Variants in MACF1 observed in about 807,000 individuals in gnomAD.
MACF1 encodes the protein microtubule actin crosslinking factor 1.
A neutral mutation model predicts 854.8 loss-of-function variants in MACF1; 193 were observed. The observed-to-expected ratio is 0.23, with a 90% confidence interval of 0.20 to 0.25. The LOEUF (loss-of-function observed/expected upper bound fraction) is 0.25, where lower values mean the gene tolerates loss of function less well. Ranked by LOEUF, MACF1 falls within the 10% of genes least tolerant of loss-of-function variation. MACF1 has a pLI of 1.00. For missense variants in MACF1, 7,722 were observed against 8,929.1 expected (o/e 0.86, Z 5.45); for synonymous variants, 3,185 against 3,226.7 (o/e 0.99, Z 0.44).
intron 27 of MACF1, 34 bp from the exon 28 acceptor site, chr1:39,316,357 G>A (rs773150845): frequency 1.1e-5 from 17 of 1,565,084 alleles, no homozygotes; most frequent in Non-Finnish European, 1.4e-5. Context: ...TAAAATTCAT[G>A]TGTTAATGAA....
Position 39,292,030 on chromosome 1 carries a change from T to G in MACF1, c.1906T>G (p.Leu636Val), listed in dbSNP as rs372118518. ...ELGSSVKEAR[L>V]YEGKMSQNFH... Reference sequence around the variant, plus strand: ...GGGCTCAAGTGTCAAGGAGGCCAGGTTGTATGAGGTGCGTAGCCTTCAGAA... The same window carrying G: ...GGGCTCAAGTGTCAAGGAGGCCAGGGTGTATGAGGTGCGTAGCCTTCAGAA... The change falls in exon 16 of 101, where the codon TTG becomes GTG. Residue 636 changes from leucine (L) to valine (V), a missense_variant. Leu to Val is a conservative substitution (Grantham distance 32, BLOSUM62 1). Transcript: ENST00000564288. 1.9e-6 allele frequency: 3 copies of G among 1,613,714 alleles called. No homozygotes were observed. The South Asian group carries it at 3.3e-5, about 18-fold the overall frequency.
At chr1:39,098,667 T>C (rs1641992822) in intron 2 of MACF1, among the ~76,000 whole-genome samples, 1 of 152,112 alleles carries the variant, frequency 6.6e-6, no homozygotes. Context: ...AGGGAGAGGC[T>C]GAGGTGGAGC....
At chr1:39,325,464 T>C (rs1466476448) in intron 35 of MACF1, among the ~76,000 whole-genome samples, 2 of 152,142 alleles carry the variant, frequency 1.3e-5, no homozygotes, top group African/African-American at 4.8e-5. Flanking sequence ...AGCCAGGACA[T>C]AGGAGCAAAA....
chr1:39,310,730 A>G, intron 25 of MACF1, 101 bp from the exon 26 acceptor site: 1 of 1,194,188 alleles, frequency 8.4e-7, no homozygotes, highest in Non-Finnish European at 1.2e-6. Context: ...AGGATTAGGC[A>G]GAAGATTCCC....
At position 39,460,526 on chromosome 1, in the gene MACF1, C is replaced by A; in HGVS notation, c.21361-106C>A. 1.1e-6 allele frequency: 1 copy of A among 919,704 alleles called. No homozygotes were observed. The highest frequency in any genetic ancestry group is 1.7e-6 in the Non-Finnish European group (1 of 578,908). The allele number at this position is 919,704 out of a possible 1,614,324, so 57.0% of individuals were successfully genotyped here. On this transcript the variant is annotated intron_variant, in intron 91 of 100. Coordinates refer to ENST00000564288, the MANE Select transcript of MACF1 (RefSeq NM_001394062.1). This position sits in a 1 kb window ranked among gnomAD's most constrained non-coding sequence, Gnocchi z 4.1. ...ACACATAGATTTCATTGTTGATGGCCCCTGGAAGCATGGCTTTACTGAATG... is the reference window on the plus strand; with the variant it reads ...ACACATAGATTTCATTGTTGATGGCACCTGGAAGCATGGCTTTACTGAATG...
chr1:39,386,854 T>C (rs1641821091), intron 57 of MACF1, among the ~76,000 whole-genome samples: 1 of 152,210 alleles, frequency 6.6e-6, no homozygotes, highest in African/African-American at 2.4e-5. Context: ...CATGAGCCAC[T>C]GCACCCGGCT....
intron 52 of MACF1, among the ~76,000 whole-genome samples, chr1:39,375,141 TAAAAG>T (rs1311463252): frequency 3.3e-5 from 5 of 151,782 alleles, no homozygotes; most frequent in Non-Finnish European, 5.9e-5. Flanking sequence ...TAATAAAAAT[TAAAAG>T]AAACCATTTT....
chr1:39,367,373 T>A (rs1422035114), intron 49 of MACF1, among the ~76,000 whole-genome samples: 3 of 152,170 alleles, frequency 2.0e-5, no homozygotes, highest in South Asian at 4.2e-4. Flanking sequence ...TTAACTTTTT[T>A]TAAAAAATAG....
At chr1:39,247,198 G>A (rs1164150725) in intron 2 of MACF1, among the ~76,000 whole-genome samples, 2 of 146,800 alleles carry the variant, frequency 1.4e-5, no homozygotes, top group South Asian at 2.2e-4. Flanking sequence ...TCAGCCTCCC[G>A]TGTAGCTGGG....
chr1:39,158,498 TGTG>T (rs1445349903), intron 2 of MACF1, among the ~76,000 whole-genome samples: 1 of 152,206 alleles, frequency 6.6e-6, no homozygotes, highest in South Asian at 2.1e-4. Context: ...GAGCTCCTGT[TGTG>T]GTGATATTCT....
In MACF1 at chr1:39,442,085, AT is replaced by A; in HGVS notation, c.18774+34del. The A allele has an allele frequency of 5.0e-6, 8 of 1,596,958 alleles. No individual in the cohort carries two copies. The African/African-American group carries it at 5.4e-5, about 11-fold the overall frequency. Reference sequence around the variant, plus strand: ...ATCTGGGTATGGCTTTTGAAGAAGAATTGTTTTATTATAGTTTTTAAAGGCT... The same window carrying A: ...ATCTGGGTATGGCTTTTGAAGAAGAATGTTTTATTATAGTTTTTAAAGGCT... On this transcript the variant is annotated intron_variant, in intron 75 of 100. Coordinates refer to ENST00000564288, the MANE Select transcript of MACF1 (RefSeq NM_001394062.1).
intron 2 of MACF1, among the ~76,000 whole-genome samples, chr1:39,167,880 A>C (rs1245206956): frequency 2.9e-5 from 3 of 103,546 alleles, no homozygotes; most frequent in African/African-American, 1.2e-4. Context: ...TCTCAAAAAA[A>C]AAAAAAAGAG....
chr1:39,130,223 T>G (rs563762625), intron 2 of MACF1, among the ~76,000 whole-genome samples: 1 of 152,312 alleles, frequency 6.6e-6, no homozygotes, highest in Non-Finnish European at 1.5e-5. Flanking sequence ...TTGAACAGAG[T>G]ATAAATATAG....
chr1:39,197,647 C>T (rs1231157403), intron 2 of MACF1, among the ~76,000 whole-genome samples: 1 of 152,062 alleles, frequency 6.6e-6, no homozygotes, highest in Non-Finnish European at 1.5e-5. Flanking sequence ...CTTTGGGAGG[C>T]AGAGGCGGGA....
At chr1:39,390,729 A>T (rs1472183003) in intron 58 of MACF1, among the ~76,000 whole-genome samples, 4 of 152,224 alleles carry the variant, frequency 2.6e-5, no homozygotes, top group Non-Finnish European at 4.4e-5. Flanking sequence ...ATTTACTTGC[A>T]TCCAGGCTAT....
chr1:39,374,938 G>A (rs1386028456), intron 52 of MACF1, among the ~76,000 whole-genome samples: 2 of 151,872 alleles, frequency 1.3e-5, no homozygotes, highest in Non-Finnish European at 2.9e-5. Context: ...GTGAAACCTC[G>A]TCTCTACTAA....
intron 2 of MACF1, among the ~76,000 whole-genome samples, chr1:39,188,899 C>A (rs371093726): frequency 6.9e-6 from 1 of 144,210 alleles, no homozygotes; most frequent in East Asian, 2.0e-4. Context: ...CCACCACACC[C>A]AGCTAATTTT....
At position 39,380,316 on chromosome 1, in the gene MACF1, G is replaced by A. The variant is rs771200608; in HGVS notation, c.13591G>A (p.Val4531Met). The A allele has an allele frequency of 9.3e-6, 15 of 1,613,642 alleles. No homozygotes were observed. The highest frequency in any genetic ancestry group is 1.3e-5 in the Non-Finnish European group (15 of 1,179,790). The change falls in exon 55 of 101, where the codon GTG becomes ATG. Residue 4531 changes from valine (V) to methionine (M), a missense_variant. By Grantham distance (21) the Val-to-Met change is conservative. Transcript: ENST00000564288. ...AAAGGAAGCCCTGGCTGGATTACTG[G>A]TGACATATCCCAACTCACAGGAAGC... ...KVKEALAGLL[V>M]TYPNSQEAEN... is the part of the protein sequence containing the mutation.
At chr1:39,354,751 T>A (rs1557605621) in intron 44 of MACF1, among the ~76,000 whole-genome samples, 1 of 152,206 alleles carries the variant, frequency 6.6e-6, no homozygotes, top group Non-Finnish European at 1.5e-5. Flanking sequence ...TTTTGTTGTC[T>A]GTATTGCCCT....
Sources: allele counts gnomAD v4.1 joint callset (sites outside exome capture counted in the v4.1 genomes callset), GRCh38; gene constraint gnomAD v4.1.1; non-coding constraint Gnocchi (gnomAD v3.1); transcripts MANE v1.5; gene names NCBI Gene and HGNC (gene_info 2026-07-23, HGNC 2026-07-21).